The following SPI1 variants were observed in gnomAD, a reference collection of about 807,000 sequenced individuals.
SPI1 encodes transcription factor PU.1.
In SPI1, 3 loss-of-function variants were observed where a neutral mutation model predicts 30.7. The observed-to-expected ratio is 0.10, with a 90% CI of 0.04 to 0.25. SPI1 has a LOEUF of 0.25. SPI1 is among the 10% of genes least tolerant of loss of function. The pLI is 1.00. For synonymous variants in SPI1, 169 were observed against 157.1 expected (o/e 1.08, Z -0.56); for missense variants, 261 against 371.5 (o/e 0.70, Z 2.45).
At chr11:47,363,285 C>G (rs545098789) in intron 2 of SPI1, among the ~76,000 whole-genome samples, 65 of 152,316 alleles carry the variant, frequency 4.3e-4, no homozygotes, top group African/African-American at 1.5e-3. Context: ...CTTTGGGAGG[C>G]CAAGGCGAGC....
At chr11:47,367,976 A>G (rs1371655488) in intron 2 of SPI1, among the ~76,000 whole-genome samples, 1 of 151,802 alleles carries the variant, frequency 6.6e-6, no homozygotes, top group Non-Finnish European at 1.5e-5. Context: ...CCAGGTCTCA[A>G]TCTCTTGACC....
intron 2 of SPI1, among the ~76,000 whole-genome samples, chr11:47,372,384 C>A (rs1375354294): frequency 0.04 from 2 of 50 alleles, no homozygotes; most frequent in Non-Finnish European, 0.14. Context: ...GCCACCACGC[C>A]CCAGCCTATT....
At chr11:47,370,136 C>A (rs1182796920) in intron 2 of SPI1, among the ~76,000 whole-genome samples, 1 of 152,244 alleles carries the variant, frequency 6.6e-6, no homozygotes, top group Non-Finnish European at 1.5e-5. Flanking sequence ...GGGACAGTGG[C>A]TCACGCCTGT....
In SPI1 at chr11:47,370,730, T is replaced by G. The variant is rs536893412; in HGVS notation, c.142+4903A>C. Among the ~76,000 whole-genome samples, 15 of 152,070 alleles carry G rather than the reference T, an allele frequency of 9.9e-5. No homozygotes were observed. The East Asian group carries it at 2.5e-3, about 25-fold the overall frequency. On this transcript the variant is annotated intron_variant, in intron 2 of 4. Coordinates refer to ENST00000378538, the MANE Select transcript of SPI1 (RefSeq NM_003120.3). ...AAAATAATAATAATTAAAAGAAATA[T>G]GGATATGAGAAAGTACAGGTAAAGA...
rs2095917151 is a variant in SPI1, at chr11:47,359,290, C to T, written c.331-284G>A. Among the ~76,000 whole-genome samples, 1 of 152,166 alleles carries T rather than the reference C, an allele frequency of 6.6e-6. No homozygotes were observed. Among genetic ancestry groups the T allele is most frequent in the African/African-American group, 2.4e-5 (1 of 41,424 alleles). On this transcript the variant is annotated intron_variant, in intron 3 of 4. Transcript: ENST00000378538. This position sits in a 1 kb window ranked among gnomAD's most constrained non-coding sequence, Gnocchi z 5.1. ...CACCGGGGAAGTGGTGCCTTGTTCT[C>T]CTCCCTGCAGCGGTGCTGTGTGGAC...
intron 2 of SPI1, among the ~76,000 whole-genome samples, chr11:47,362,570 C>CTTTTTTT (rs377422572): frequency 4.6e-5 from 5 of 108,022 alleles, no homozygotes; most frequent in Admixed American, 1.0e-4. Context: ...GACCCTGTCT[C>CTTTTTTT]TTTTTTTTTT....
At chr11:47,356,046 C>T (rs988434388) in intron 4 of SPI1, among the ~76,000 whole-genome samples, 3 of 151,194 alleles carry the variant, frequency 2.0e-5, no homozygotes, top group Admixed American at 1.3e-4. Flanking sequence ...ACACACAATG[C>T]ACGTGCTCAC....
At chr11:47,367,487 G>C (rs1260083803) in intron 2 of SPI1, among the ~76,000 whole-genome samples, 2 of 150,958 alleles carry the variant, frequency 1.3e-5, no homozygotes, top group Non-Finnish European at 2.9e-5. Flanking sequence ...CTGGGAGGTG[G>C]AGGTTGCAGT....
At chr11:47,371,503 C>T (rs1034446641) in intron 2 of SPI1, among the ~76,000 whole-genome samples, 2 of 145,132 alleles carry the variant, frequency 1.4e-5, no homozygotes, top group Non-Finnish European at 3.0e-5. Context: ...CCCATCTCTA[C>T]TAAAAAATAC....
intron 2 of SPI1, 99 bp from the exon 3 acceptor site, chr11:47,360,139 C>T: frequency 9.2e-7 from 1 of 1,082,988 alleles, no homozygotes; most frequent in Non-Finnish European, 1.3e-6. Flanking sequence ...CCATATGGGG[C>T]CTAACCATCT....
intron 2 of SPI1, among the ~76,000 whole-genome samples, chr11:47,373,283 C>T (rs1423641270): frequency 1.3e-5 from 2 of 151,916 alleles, no homozygotes; most frequent in African/African-American, 4.8e-5. Flanking sequence ...ATCCGGGAGG[C>T]GGAGGTTGCA....
At chr11:47,355,889 C>T (rs568285967) in intron 4 of SPI1, among the ~76,000 whole-genome samples, 1 of 151,054 alleles carries the variant, frequency 6.6e-6, no homozygotes, top group Non-Finnish European at 1.5e-5. Context: ...ACGCCCACAC[C>T]CACTCACACA....
chr11:47,359,268 C>T lies in SPI1; in HGVS notation c.331-262G>A, dbSNP rs953433128. Among the ~76,000 whole-genome samples the T allele has an allele frequency of 1.3e-5, 2 of 152,236 alleles. No homozygotes were observed. The highest frequency in any genetic ancestry group is 1.3e-4 in the Admixed American group (2 of 15,290). ...CCTCCTGGTTTAGGACTGTGGGCAC[C>T]GGGGAAGTGGTGCCTTGTTCTCCTC... On this transcript the variant is annotated intron_variant, in intron 3 of 4. Transcript: ENST00000378538. The surrounding 1 kb of genome is among the most constrained non-coding windows in gnomAD (Gnocchi z 5.1).
chr11:47,359,408 G>A lies in SPI1; in HGVS notation c.331-402C>T, dbSNP rs1028725056. 1.8e-4 allele frequency among the ~76,000 whole-genome samples: 27 copies of A among 152,114 alleles called. No homozygotes were observed. Among genetic ancestry groups the A allele is most frequent in the Non-Finnish European group, 3.7e-4 (25 of 68,012 alleles). ...ATAGGTGGGATGATGAGTGAGTGGA[G>A]GGACCCTGGAGGTCAGTAGGGGTGG... On this transcript the variant is annotated intron_variant, in intron 3 of 4. Transcript: ENST00000378538. The surrounding 1 kb of genome is among the most constrained non-coding windows in gnomAD (Gnocchi z 5.1).
At chr11:47,356,469 A>T (rs928667560) in intron 4 of SPI1, among the ~76,000 whole-genome samples, 1 of 150,972 alleles carries the variant, frequency 6.6e-6, no homozygotes, top group African/African-American at 2.4e-5. Flanking sequence ...TACTGCCCCC[A>T]CACACGGTCA....
intron 2 of SPI1, among the ~76,000 whole-genome samples, chr11:47,368,808 T>G (rs1482554902): frequency 6.6e-6 from 1 of 152,162 alleles, no homozygotes; most frequent in East Asian, 1.9e-4. Flanking sequence ...AGTCTCCGTT[T>G]TGCAAGATGA....
At chr11:47,358,340 A>T in intron 4 of SPI1, 1 of 580,806 alleles carries the variant, frequency 1.7e-6, no homozygotes. Context: ...CCATGCTCAC[A>T]TCCCTGCTCA....
intron 4 of SPI1, among the ~76,000 whole-genome samples, chr11:47,357,569 C>T (rs1039061656): frequency 1.5e-5 from 2 of 136,906 alleles, no homozygotes; most frequent in Non-Finnish European, 3.3e-5. Flanking sequence ...CACATCACAC[C>T]CATTCTCTTG....
chr11:47,358,194 C>A, intron 4 of SPI1: 1 of 268,366 alleles, frequency 3.7e-6, no homozygotes, highest in Non-Finnish European at 7.4e-6. Context: ...CACCTATGCC[C>A]ATTCACACAC....
Sources: gnomAD v4.1 joint callset for allele counts (sites outside exome capture counted in the v4.1 genomes callset) on GRCh38, gnomAD v4.1.1 for gene constraint, Gnocchi (gnomAD v3.1) non-coding constraint, MANE v1.5 for transcripts, NCBI Gene and HGNC (gene_info 2026-07-23, HGNC 2026-07-21) for gene names.